Variants in RAB27A observed in about 807,000 individuals in gnomAD.
RAB27A encodes the protein ras-related protein Rab-27A.
Under a neutral mutation model 20.8 loss-of-function variants are expected in RAB27A, and 17 were observed. That is an observed-to-expected ratio of 0.82 (90% CI 0.56 to 1.23). RAB27A has a LOEUF of 1.23. Ranked by LOEUF, RAB27A falls within the 50% of genes most tolerant of loss-of-function variation. RAB27A has a pLI of 0.00. For missense variants in RAB27A, 277 were observed against 266.7 expected, an observed-to-expected ratio of 1.04 and a Z score of -0.27; for synonymous variants, 85 against 92.8, an observed-to-expected ratio of 0.92 and a Z score of 0.48.
At chr15:55,247,241 G>A (rs1268975035) in intron 2 of RAB27A, among the ~76,000 whole-genome samples, 1 of 152,166 alleles carries the variant, frequency 6.6e-6, no homozygotes, top group East Asian at 1.9e-4. Context: ...AAGCTCTGAA[G>A]AGGTAAAATG....
In RAB27A at chr15:55,211,186, T is replaced by C. The variant is rs974573278; in HGVS notation, c.468-5481A>G. On this transcript the variant is annotated intron_variant, in intron 6 of 6. Transcript: ENST00000336787. ...GCTTTGTAGTAAACTTTGAAGTCAG[T>C]GTGAGGTCTCCAGCTTTGGGCTTTT... Among the ~76,000 whole-genome samples, 6 of 152,196 alleles carry C rather than the reference T, an allele frequency of 3.9e-5. No individual in the cohort carries two copies. The South Asian group carries it at 8.3e-4, about 21-fold the overall frequency.
At chr15:55,275,268 A>G (rs1460787413) in intron 1 of RAB27A, among the ~76,000 whole-genome samples, 1 of 151,902 alleles carries the variant, frequency 6.6e-6, no homozygotes, top group Admixed American at 6.6e-5. Context: ...ACAAAAAAAA[A>G]AAGACAAAAA....
chr15:55,318,184 G>A (rs1175295264), intron 1 of RAB27A, among the ~76,000 whole-genome samples: 2 of 147,896 alleles, frequency 1.4e-5, no homozygotes, highest in East Asian at 4.0e-4. Flanking sequence ...TGCAAGCTCC[G>A]CCTCCTCGGT....
upstream of RAB27A, among the ~76,000 whole-genome samples, chr15:55,290,813 T>A (rs1015189899): frequency 1.3e-5 from 2 of 152,236 alleles, no homozygotes; most frequent in African/African-American, 4.8e-5. Context: ...CAAAGGCCCT[T>A]TGAACCAAAT....
intron 6 of RAB27A, among the ~76,000 whole-genome samples, chr15:55,207,661 C>T (rs548441176): frequency 6.6e-5 from 10 of 152,186 alleles, no homozygotes; most frequent in African/African-American, 2.4e-4. Flanking sequence ...ACCAAAAATG[C>T]GACTTTTTTG....
chr15:55,256,065 T>G (rs1897067368), intron 2 of RAB27A, among the ~76,000 whole-genome samples: 1 of 152,154 alleles, frequency 6.6e-6, no homozygotes, highest in African/African-American at 2.4e-5. Context: ...TGTAAACTAC[T>G]GGGTACATGT....
intron 2 of RAB27A, among the ~76,000 whole-genome samples, chr15:55,303,671 C>T (rs1418127601): frequency 8.7e-6 from 1 of 115,394 alleles, no homozygotes; most frequent in Non-Finnish European, 1.8e-5. Flanking sequence ...GGGGGGTCAG[C>T]CCCCCTGCCC....
intron 1 of RAB27A, among the ~76,000 whole-genome samples, chr15:55,278,212 A>G (rs1897925085): frequency 6.6e-6 from 1 of 152,196 alleles, no homozygotes; most frequent in African/African-American, 2.4e-5. Flanking sequence ...AGGGACTAAA[A>G]CATATTAAAG....
intron 2 of RAB27A, among the ~76,000 whole-genome samples, chr15:55,244,667 G>A (rs574244250): frequency 6.6e-6 from 1 of 152,256 alleles, no homozygotes; most frequent in South Asian, 2.1e-4. Flanking sequence ...TGTAGCTTAT[G>A]GACTTCACTT....
At chr15:55,274,810 ATATATATATATATATG>A (rs1476518783) in intron 1 of RAB27A, among the ~76,000 whole-genome samples, 3 of 134,992 alleles carry the variant, frequency 2.2e-5, no homozygotes, top group Non-Finnish European at 4.9e-5. Flanking sequence ...ATATATATAT[ATATATATATATATATG>A]TATAGAGAGA....
Position 55,234,877 on chromosome 15 carries a change from C to A in RAB27A, c.58G>T (p.Val20Leu). ...IKFLALGDSG[V>L]GKTSVLYQYT... ...TGGTAAAGTACACTGGTCTTCCCTA[C>A]ACCAGAGTCTCCCAAAGCTAAAAAC... Residue 20 changes from valine to leucine, a missense_variant, in exon 3 of 7, where the codon GTA becomes TTA. Coordinates refer to ENST00000336787, the MANE Select transcript of RAB27A (RefSeq NM_183235.3). 7 of 1,611,972 alleles carry A rather than the reference C, an allele frequency of 4.3e-6. No homozygotes were observed. Among genetic ancestry groups the A allele is most frequent in the Non-Finnish European group, 5.9e-6 (7 of 1,178,374 alleles).
chr15:55,205,239 G>T lies in RAB27A; in HGVS notation c.*268C>A. On this transcript the variant is annotated 3_prime_UTR_variant, in exon 7 of 7. Transcript: ENST00000336787. Reference sequence around the variant, plus strand: ...TGTGACTGCAAAATTCTGAATCCTTGAATGATTTACTATAATAGGCTAAGG... The same window carrying T: ...TGTGACTGCAAAATTCTGAATCCTTTAATGATTTACTATAATAGGCTAAGG... 3 of 488,382 alleles carry T rather than the reference G, an allele frequency of 6.1e-6. No homozygotes were observed. The highest frequency in any genetic ancestry group is 1.1e-5 in the Non-Finnish European group (3 of 267,796). The allele number at this position is 488,382 out of a possible 1,614,324, so 30.3% of individuals were successfully genotyped here.
intron 1 of RAB27A, among the ~76,000 whole-genome samples, chr15:55,277,586 T>C (rs1477926089): frequency 6.6e-6 from 1 of 152,204 alleles, no homozygotes; most frequent in African/African-American, 2.4e-5. Context: ...TGTGCCTTCC[T>C]GGGACAACCC....
At chr15:55,218,967 C>T (rs370018084) in intron 6 of RAB27A, among the ~76,000 whole-genome samples, 289 of 152,192 alleles carry the variant, frequency 1.9e-3, no homozygotes, top group African/African-American at 6.6e-3. Flanking sequence ...GTCTCGAACT[C>T]CTGAGCTCAG....
intron 2 of RAB27A, among the ~76,000 whole-genome samples, chr15:55,295,690 G>T (rs1013007977): frequency 6.6e-6 from 1 of 152,166 alleles, no homozygotes; most frequent in African/African-American, 2.4e-5. Context: ...CCAGAGGCTA[G>T]GGAGAGGGAG....
intron 1 of RAB27A, among the ~76,000 whole-genome samples, chr15:55,275,042 C>T (rs879298490): frequency 6.6e-6 from 1 of 150,818 alleles, no homozygotes; most frequent in African/African-American, 2.4e-5. Context: ...CTTGAGGTCA[C>T]GAGTTCAAGA....
At chr15:55,217,551 G>A (rs1418438171) in intron 6 of RAB27A, among the ~76,000 whole-genome samples, 3 of 150,454 alleles carry the variant, frequency 2.0e-5, no homozygotes, top group Non-Finnish European at 4.4e-5. Flanking sequence ...TGTAGCCCCA[G>A]CTACTCGGGA....
chr15:55,217,753 C>T (rs578050499), intron 6 of RAB27A, among the ~76,000 whole-genome samples: 1 of 141,382 alleles, frequency 7.1e-6, no homozygotes, highest in Non-Finnish European at 1.5e-5. Context: ...TGTTCCTTTT[C>T]TCCACATGGT....
intron 6 of RAB27A, among the ~76,000 whole-genome samples, chr15:55,221,621 C>G (rs752381242): frequency 1.1e-4 from 17 of 152,132 alleles, no homozygotes; most frequent in Non-Finnish European, 2.1e-4. Context: ...AATGAGTCAG[C>G]TTGGCTAGGC....
Sources: allele counts gnomAD v4.1 joint callset (sites outside exome capture counted in the v4.1 genomes callset), GRCh38; gene constraint gnomAD v4.1.1; transcripts MANE v1.5; gene names NCBI Gene and HGNC (gene_info 2026-07-23, HGNC 2026-07-21).